The following ABI3 variants were observed in gnomAD, a reference collection of about 807,000 sequenced individuals.
The protein encoded by ABI3 is ABI gene family member 3.
Under a neutral mutation model 37.0 loss-of-function variants are expected in ABI3, and 24 were observed. The observed-to-expected ratio is 0.65, with a 90% confidence interval of 0.47 to 0.91. The LOEUF is 0.91. Among genes scored for constraint, ABI3 ranks in the 40% least tolerant of loss-of-function variants. The pLI, the probability that ABI3 is intolerant of heterozygous loss-of-function variation, is 0.00. For synonymous variants in ABI3, 220 were observed against 211.8 expected, an observed-to-expected ratio of 1.04 and a Z score of -0.34; for missense variants, 481 against 485.1, an observed-to-expected ratio of 0.99 and a Z score of 0.08.
At chr17:49,222,030 C>T in intron 6 of ABI3, 61 bp from the exon 7 acceptor site, 1 of 1,510,074 alleles carries the variant, frequency 6.6e-7, no homozygotes, top group Non-Finnish European at 8.9e-7. Flanking sequence ...TTGAGCAGTT[C>T]CCTGACACAC....
chr17:49,220,883 A>G (rs955448831), intron 6 of ABI3, among the ~76,000 whole-genome samples: 4 of 115,848 alleles, frequency 3.5e-5, no homozygotes, highest in African/African-American at 9.1e-5. Context: ...TAATAATAAT[A>G]ATAATAATAA....
chr17:49,217,457 A>G (rs1472336312), intron 2 of ABI3, among the ~76,000 whole-genome samples: 1 of 152,060 alleles, frequency 6.6e-6, no homozygotes, highest in African/African-American at 2.4e-5. Context: ...CAGCATCCCT[A>G]GGGATGTTGT....
intron 5 of ABI3, 73 bp downstream of exon 5, chr17:49,220,026 T>A: frequency 6.5e-7 from 1 of 1,528,550 alleles, no homozygotes. Context: ...CTGCCAGTGG[T>A]CATAGTGACT....
intron 1 of ABI3, among the ~76,000 whole-genome samples, chr17:49,215,011 T>C (rs190269621): frequency 2.0e-5 from 3 of 152,116 alleles, no homozygotes; most frequent in Admixed American, 6.5e-5. Context: ...AAAAAATACA[T>C]AGAGAATGTT....
At chr17:49,211,655 C>A (rs771993549) in intron 1 of ABI3, among the ~76,000 whole-genome samples, 13 of 152,078 alleles carry the variant, frequency 8.5e-5, no homozygotes, top group Admixed American at 8.5e-4. Context: ...AACAGCAGAG[C>A]CAGGCATTCC....
intron 3 of ABI3, 66 bp downstream of exon 3, chr17:49,217,981 C>G: frequency 7.0e-7 from 1 of 1,430,054 alleles, no homozygotes; most frequent in East Asian, 2.7e-5. Flanking sequence ...CCCTTTCCCT[C>G]CAGAACCCCA....
At chr17:49,212,078 A>G (rs1436253459) in intron 1 of ABI3, among the ~76,000 whole-genome samples, 1 of 152,020 alleles carries the variant, frequency 6.6e-6, no homozygotes, top group African/African-American at 2.4e-5. Context: ...CAGCCTTCTG[A>G]GTAGCTGGGG....
At chr17:49,220,370 T>A in intron 6 of ABI3, 44 bp downstream of exon 6, 1 of 1,526,960 alleles carries the variant, frequency 6.5e-7, no homozygotes. Flanking sequence ...GGGTCGCTTT[T>A]CTGCCTCCTG....
intron 7 of ABI3, 60 bp from the exon 8 acceptor site, chr17:49,222,492 G>C: frequency 6.3e-7 from 1 of 1,579,886 alleles, no homozygotes; most frequent in Non-Finnish European, 8.6e-7. Flanking sequence ...TGGTGGTGGG[G>C]GGTGAGGGGG....
chr17:49,212,713 T>C (rs111290838), intron 1 of ABI3, among the ~76,000 whole-genome samples: 3,219 of 152,298 alleles, frequency 0.021, 136 homozygotes, highest in African/African-American at 0.074. Flanking sequence ...TCCTAGCTAG[T>C]GTCAGAGCCT....
intron 6 of ABI3, 30 bp from the exon 7 acceptor site, chr17:49,222,061 C>A: frequency 6.4e-7 from 1 of 1,553,952 alleles, no homozygotes. Context: ...TCCTGTGCCA[C>A]ACTTACAGCC....
At position 49,222,875 on chromosome 17, in the gene ABI3, GGAGA is replaced by G. The variant is rs1285446976; in HGVS notation, c.*165_*168del. ...CCATCGGAGGGAGAAGGGGTCCTGG[GGAGA>G]GAGAATTTATCCAGAGGCCTGCTGC... On this transcript the variant is annotated 3_prime_UTR_variant, in exon 8 of 8. Coordinates refer to ENST00000225941, the MANE Select transcript of ABI3 (RefSeq NM_016428.3). 4.1e-5 allele frequency: 35 copies of G among 849,694 alleles called. No homozygotes were observed. In the South Asian group the frequency reaches 5.5e-4, roughly 13 times the overall value. The allele number at this position is 849,694 out of a possible 1,614,324, so 52.6% of individuals were successfully genotyped here. A position where few individuals can be genotyped will look rare whatever the true frequency, so the allele number is the denominator to read the frequency against.
At position 49,219,900 on chromosome 17, in the gene ABI3, G is replaced by A; in HGVS notation, c.591G>A (p.Val197=). The A allele has an allele frequency of 6.4e-7, 1 of 1,554,768 alleles. No homozygotes were observed. ...CCGAGCCAGTGCACCTGCCGGTGGTGCCCGACGGCAGACTCTCCGCCGCCT... is the reference window on the plus strand; with the variant it reads ...CCGAGCCAGTGCACCTGCCGGTGGTACCCGACGGCAGACTCTCCGCCGCCT... ...RIPEPVHLPV[V]PDGRLSAASS... is the part of the protein sequence containing the mutation. The change falls in exon 5 of 8, where the codon GTG becomes GTA. Residue 197 remains valine (V), a synonymous_variant. Coordinates refer to ENST00000225941, the MANE Select transcript of ABI3 (RefSeq NM_016428.3). The surrounding 1 kb of genome is among the most constrained non-coding windows in gnomAD (Gnocchi z 4.3).
intron 1 of ABI3, among the ~76,000 whole-genome samples, chr17:49,214,923 G>C (rs1464783814): frequency 2.0e-5 from 3 of 152,202 alleles, no homozygotes; most frequent in Non-Finnish European, 4.4e-5. Context: ...GTGATTCCAT[G>C]ACGGGATACA....
At chr17:49,211,509 A>G (rs932113036) in intron 1 of ABI3, among the ~76,000 whole-genome samples, 3 of 152,216 alleles carry the variant, frequency 2.0e-5, no homozygotes, top group African/African-American at 7.2e-5. Context: ...CAACTGAGCC[A>G]TGATGGAAAT....
chr17:49,217,670 T>G (rs2043234716), intron 2 of ABI3, 69 bp from the exon 3 acceptor site: 1 of 1,458,668 alleles, frequency 6.9e-7, no homozygotes, highest in Admixed American at 2.5e-5. Context: ...CTTTATCTTC[T>G]TCCTCCTTAG....
intron 3 of ABI3, among the ~76,000 whole-genome samples, chr17:49,218,915 C>G (rs9913163): frequency 0.091 from 13,764 of 152,074 alleles, 738 homozygotes; most frequent in South Asian, 0.16. Context: ...CCACTCGCGG[C>G]CCAACTTATA....
rs1555618160 is a variant in ABI3, at chr17:49,222,620, T to C, written c.1006T>C (p.Cys336Arg). The change falls in exon 8 of 8, where the codon TGT becomes CGT. Residue 336 changes from cysteine to arginine, a missense_variant. By Grantham distance (180) the Cys-to-Arg change is radical (BLOSUM62 -3). Transcript: ENST00000225941. Reference sequence around the variant, plus strand: ...CTCCTTCTCTGAGGGCACTGTCATCTGTGTCACTCGCCGCTACTCCGATGG... The same window carrying C: ...CTCCTTCTCTGAGGGCACTGTCATCCGTGTCACTCGCCGCTACTCCGATGG... The part of the protein sequence containing the change: ...ELSFSEGTVI[C>R]VTRRYSDGWC... 1.2e-6 allele frequency: 2 copies of C among 1,614,046 alleles called. No homozygotes were observed. The highest frequency in any genetic ancestry group is 1.7e-6 in the Non-Finnish European group (2 of 1,180,008).
At chr17:49,220,077 G>A in intron 5 of ABI3, 92 bp from the exon 6 acceptor site, 2 of 1,584,020 alleles carry the variant, frequency 1.3e-6, no homozygotes, top group Non-Finnish European at 1.7e-6. Flanking sequence ...GGTCACACGT[G>A]CAGGGCTGGG....
Sources: allele counts gnomAD v4.1 joint callset (sites outside exome capture counted in the v4.1 genomes callset), GRCh38; gene constraint gnomAD v4.1.1; non-coding constraint Gnocchi (gnomAD v3.1); transcripts MANE v1.5; gene names NCBI Gene and HGNC (gene_info 2026-07-23, HGNC 2026-07-21).